UMODL1: variants seen among roughly 807,000 people sequenced by gnomAD.
The protein encoded by UMODL1 is uromodulin like 1, also known as uromodulin-like 1.
UMODL1 carries 128 observed loss-of-function variants against 136.3 expected under a neutral mutation model. That is an observed-to-expected ratio of 0.94 (90% CI 0.81 to 1.09). The LOEUF is 1.09. Among genes scored for constraint, UMODL1 ranks in the 50% least tolerant of loss-of-function variants. The pLI, the probability that UMODL1 is intolerant of heterozygous loss-of-function variation, is 0.00. For missense variants in UMODL1, 1,766 were observed against 1,725.6 expected (o/e 1.02, Z -0.41); for synonymous variants, 721 against 720.0 (o/e 1.00, Z -0.02).
At chr21:42,121,510 T>C (rs2066972277) in intron 16 of UMODL1, among the ~76,000 whole-genome samples, 2 of 152,174 alleles carry the variant, frequency 1.3e-5, no homozygotes, top group African/African-American at 4.8e-5. Flanking sequence ...AGAGAAAATA[T>C]ACACATACAT....
chr21:42,087,404 G>A (rs2066438669), intron 4 of UMODL1, among the ~76,000 whole-genome samples: 1 of 152,208 alleles, frequency 6.6e-6, no homozygotes, highest in African/African-American at 2.4e-5. Flanking sequence ...CCCAGTGGAG[G>A]CTTGGGGGTT....
intron 21 of UMODL1, 133 bp downstream of exon 21, chr21:42,129,930 G>T: frequency 1.6e-6 from 1 of 644,684 alleles, no homozygotes; most frequent in Admixed American, 3.6e-5. Flanking sequence ...TATCATAACA[G>T]AAATACTCAT....
Position 42,109,639 on chromosome 21 carries a change from A to T in UMODL1, c.1597A>T (p.Thr533Ser). ...AWCINLEGSY[T>S]CQCRTTRDAT... is the part of the protein sequence containing the mutation. ...GTGCATCAACCTGGAGGGCTCCTAC[A>T]CCTGCCAGTGCCGTACCACCAGGGA... The change falls in exon 10 of 23, where the codon ACC becomes TCC. Residue 533 changes from threonine to serine, a missense_variant. Physicochemically the swap from Thr to Ser is moderately conservative, Grantham distance 58 (BLOSUM62 1). Transcript: ENST00000408910. 6.2e-7 allele frequency: 1 copy of T among 1,602,002 alleles called. No individual in the cohort carries two copies. The highest frequency in any genetic ancestry group is 2.3e-5 in the East Asian group (1 of 44,108).
At chr21:42,113,514 CT>C in intron 12 of UMODL1, 58 bp from the exon 13 acceptor site, 1 of 1,565,852 alleles carries the variant, frequency 6.4e-7, no homozygotes, top group Non-Finnish European at 8.7e-7. Context: ...TTGGGCGAGG[CT>C]TCTTTTCTCC....
In UMODL1 at chr21:42,111,701, C is replaced by T. The variant is rs779719388; in HGVS notation, c.2095C>T (p.Pro699Ser). 1.6e-5 allele frequency: 26 copies of T among 1,610,618 alleles called. No homozygotes were observed. Among genetic ancestry groups the T allele is most frequent in the Non-Finnish European group, 2.1e-5 (25 of 1,178,156 alleles). Residue 699 changes from proline to serine, a missense_variant, in exon 12 of 23, where the codon CCC becomes TCC. Pro to Ser is a moderately conservative substitution (Grantham distance 74, BLOSUM62 -1). Coordinates refer to ENST00000408910, the MANE Select transcript of UMODL1 (RefSeq NM_001004416.3). ...LTSTLTALKT[P>S]ACVPVSIGRI... ...CTCCACCCTCACAGCTCTGAAGACC[C>T]CCGCCTGTGGTGAGTTCCTCGAATG...
Position 42,090,371 on chromosome 21 carries a change from G to T in UMODL1, c.864G>T (p.Ser288=). The change falls in exon 6 of 23, where the codon TCG becomes TCT. Residue 288 remains serine, a synonymous_variant. Transcript: ENST00000408910. ...AACTGTGCGCAAACCTGGAGGGCTC[G>T]TACTGGTGCGTCTGTCACCAGGAAG... ...GRELCANLEG[S]YWCVCHQEAP... 6.2e-7 allele frequency: 1 copy of T among 1,614,044 alleles called. No individual in the cohort carries two copies.
chr21:42,064,552 CTTTCTTTTCTTTT>C (rs910153061), intron 1 of UMODL1, among the ~76,000 whole-genome samples: 2 of 152,090 alleles, frequency 1.3e-5, no homozygotes, highest in Non-Finnish European at 2.9e-5. Flanking sequence ...AAATTTCTTT[CTTTCTTTTCTTTT>C]TTTCTTTTGA....
At position 42,134,313 on chromosome 21, in the gene UMODL1, C is replaced by G. The variant is rs367701115; in HGVS notation, c.3776-3126C>G. On this transcript the variant is annotated intron_variant, in intron 21 of 22. Coordinates refer to ENST00000408910, the MANE Select transcript of UMODL1 (RefSeq NM_001004416.3). ...GAATGTCTGCCACCAACAAATAGTA[C>G]ATCAGCATGATAATTTTTGCATATT... is the stretch of plus-strand genomic sequence containing the variant. Among the ~76,000 whole-genome samples the G allele has an allele frequency of 5.9e-5, 9 of 152,372 alleles. 1 individual carries two copies. The highest frequency in any genetic ancestry group is 1.9e-4 in the East Asian group (1 of 5,190).
At chr21:42,128,750 C>T (rs1015508971) in intron 20 of UMODL1, among the ~76,000 whole-genome samples, 6 of 152,336 alleles carry the variant, frequency 3.9e-5, no homozygotes, top group African/African-American at 1.4e-4. Flanking sequence ...TTCGTCTCTG[C>T]AGGGAGCGGC....
Position 42,107,511 on chromosome 21 carries a change from A to G in UMODL1, c.1520-2051A>G, listed in dbSNP as rs570887565. 3.9e-5 allele frequency among the ~76,000 whole-genome samples: 6 copies of G among 152,128 alleles called. No homozygotes were observed. The South Asian group carries it at 8.3e-4, about 21-fold the overall frequency. ...GCCTAGGGCTGTCACCATCCCCCTC[A>G]CCTGCTGGCCAGGCTAACCTACTGC... On this transcript the variant is annotated intron_variant, in intron 9 of 22. Coordinates refer to ENST00000408910, the MANE Select transcript of UMODL1 (RefSeq NM_001004416.3).
At position 42,122,640 on chromosome 21, in the gene UMODL1, T is replaced by C. The variant is rs967611782; in HGVS notation, c.2828-191T>C. On this transcript the variant is annotated intron_variant, in intron 16 of 22. Coordinates refer to ENST00000408910, the MANE Select transcript of UMODL1 (RefSeq NM_001004416.3). The surrounding 1 kb of genome is among the most constrained non-coding windows in gnomAD (Gnocchi z 4.3). ...GCATGTGTGTGCATGCACGTGTGTG[T>C]ACGTGTGTGTGCATATGTGTGCGTG... is the stretch of plus-strand genomic sequence containing the variant. Among the ~76,000 whole-genome samples the C allele has an allele frequency of 2.0e-5, 3 of 149,180 alleles. No homozygotes were observed. Among genetic ancestry groups the C allele is most frequent in the Non-Finnish European group, 3.0e-5 (2 of 67,412 alleles).
At chr21:42,116,632 C>T (rs2066905694) in intron 14 of UMODL1, among the ~76,000 whole-genome samples, 2 of 151,226 alleles carry the variant, frequency 1.3e-5, no homozygotes, top group Admixed American at 6.6e-5. Context: ...TTTTTTTAAA[C>T]CTGTAAAAAA....
intron 1 of UMODL1, among the ~76,000 whole-genome samples, chr21:42,071,751 C>T (rs886071398): frequency 2.6e-5 from 4 of 151,856 alleles, no homozygotes; most frequent in Non-Finnish European, 4.4e-5. Context: ...CCTCAGATCC[C>T]ACTGAGAACA....
chr21:42,118,580 G>A (rs2066928124), intron 14 of UMODL1, among the ~76,000 whole-genome samples: 1 of 152,170 alleles, frequency 6.6e-6, no homozygotes, highest in Non-Finnish European at 1.5e-5. Context: ...TGTCCTAATG[G>A]GGAAGTTGGA....
At position 42,109,631 on chromosome 21, in the gene UMODL1, G is replaced by T. The variant is rs776984867; in HGVS notation, c.1589G>T (p.Gly530Val). The stretch of plus-strand genomic sequence containing the variant: ...GCTGCCTGGTGCATCAACCTGGAGG[G>T]CTCCTACACCTGCCAGTGCCGTACC... ...SPAAWCINLE[G>V]SYTCQCRTTR... Residue 530 changes from glycine to valine, a missense_variant, in exon 10 of 23, where the codon GGC becomes GTC. Transcript: ENST00000408910. The T allele has an allele frequency of 2.5e-6, 4 of 1,610,164 alleles. No homozygotes were observed. The highest frequency in any genetic ancestry group is 2.2e-5 in the South Asian group (2 of 91,072).
At chr21:42,087,689 G>C (rs932562322) in intron 4 of UMODL1, among the ~76,000 whole-genome samples, 14 of 152,194 alleles carry the variant, frequency 9.2e-5, no homozygotes, top group Admixed American at 9.2e-4. Context: ...CGAGGGTCCT[G>C]GGTCTGGCTG....
rs559898262 is a variant in UMODL1 at position 42,075,603 on chromosome 21, G to A, written c.77-402G>A. ...GAGATAGATGTGCACGAGATTCTAC[G>A]GCCTGTGGAATCAGCTCACATGGAG... On this transcript the variant is annotated intron_variant, in intron 1 of 22. Transcript: ENST00000408910. 1.2e-4 allele frequency among the ~76,000 whole-genome samples: 18 copies of A among 152,280 alleles called. No homozygotes were observed. In the South Asian group the frequency reaches 1.7e-3, roughly 14 times the overall value.
chr21:42,121,347 C>T, intron 16 of UMODL1, 123 bp downstream of exon 16: 2 of 1,233,268 alleles, frequency 1.6e-6, no homozygotes, highest in East Asian at 2.4e-5. Context: ...GGGGAAGTTT[C>T]CTGTGTGTGA....
chr21:42,125,716 G>A (rs2067043439), intron 17 of UMODL1, among the ~76,000 whole-genome samples: 1 of 152,214 alleles, frequency 6.6e-6, no homozygotes, highest in African/African-American at 2.4e-5. Flanking sequence ...TCTGGGGTGA[G>A]AGGTGCATGT....
Sources: allele counts gnomAD v4.1 joint callset (sites outside exome capture counted in the v4.1 genomes callset), GRCh38; gene constraint gnomAD v4.1.1; non-coding constraint Gnocchi (gnomAD v3.1); transcripts MANE v1.5; gene names NCBI Gene and HGNC (gene_info 2026-07-23, HGNC 2026-07-21).